Variants in LSAMP observed in about 807,000 individuals in gnomAD.
LSAMP encodes the protein limbic system associated membrane protein, also known as limbic system-associated membrane protein.
A neutral mutation model predicts 38.6 loss-of-function variants in LSAMP; 7 were observed. That is an observed-to-expected ratio of 0.18 (90% CI 0.10 to 0.34). The LOEUF is 0.34. Among genes scored for constraint, LSAMP ranks in the 10% least tolerant of loss-of-function variants. The probability of loss-of-function intolerance (pLI) is 1.00; values close to 1 mark genes in which losing one functional copy is unlikely to be tolerated. For synonymous variants in LSAMP, 154 were observed against 166.8 expected (o/e 0.92, Z 0.59); for missense variants, 313 against 420.0 (o/e 0.75, Z 2.23).
intron 1 of LSAMP, among the ~76,000 whole-genome samples, chr3:116,113,616 G>A (rs1708674786): frequency 6.6e-6 from 1 of 150,860 alleles, no homozygotes; most frequent in African/African-American, 2.4e-5. Context: ...TAGTAGAGAC[G>A]GGGTTTCACT....
chr3:115,925,140 G>A (rs1937469775), intron 3 of LSAMP, among the ~76,000 whole-genome samples: 2 of 152,122 alleles, frequency 1.3e-5, no homozygotes, highest in Non-Finnish European at 2.9e-5. Context: ...GTGTTCCTAG[G>A]CCTGGGGGGT....
chr3:115,940,158 T>C (rs1937863658), intron 3 of LSAMP, among the ~76,000 whole-genome samples: 1 of 152,196 alleles, frequency 6.6e-6, no homozygotes, highest in Non-Finnish European at 1.5e-5. Flanking sequence ...CAGTGAGTGT[T>C]ACACCTCTTA....
chr3:116,234,411 A>G (rs1176568909), intron 1 of LSAMP, among the ~76,000 whole-genome samples: 2 of 152,228 alleles, frequency 1.3e-5, no homozygotes, highest in African/African-American at 4.8e-5. Context: ...AGGACACTGT[A>G]GCCAGCTTAG....
At chr3:115,990,741 CA>C (rs1939643145) in intron 3 of LSAMP, among the ~76,000 whole-genome samples, 1 of 152,072 alleles carries the variant, frequency 6.6e-6, no homozygotes, top group Non-Finnish European at 1.5e-5. Flanking sequence ...TAATACCTGT[CA>C]CACTAACATG....
intron 3 of LSAMP, among the ~76,000 whole-genome samples, chr3:115,938,042 T>C (rs7613846): frequency 0.44 from 66,521 of 152,120 alleles, 15,802 homozygotes; most frequent in East Asian, 0.73. Context: ...GCTTAAAAAG[T>C]ACTCTTGTAT....
chr3:115,864,240 A>G (rs969370606), intron 3 of LSAMP, among the ~76,000 whole-genome samples: 2 of 148,242 alleles, frequency 1.3e-5, no homozygotes, highest in African/African-American at 5.1e-5. Context: ...TTTCCTCACT[A>G]TTCTCCACTC....
intron 3 of LSAMP, among the ~76,000 whole-genome samples, chr3:115,965,652 T>C (rs147273610): frequency 6.7e-6 from 1 of 150,322 alleles, no homozygotes; most frequent in African/African-American, 2.4e-5. Context: ...AGGGTTATTT[T>C]CTATATGAAT....
chr3:115,812,275 T>C (rs2107449302), intron 6 of LSAMP, among the ~76,000 whole-genome samples: 1 of 152,298 alleles, frequency 6.6e-6, no homozygotes, highest in Admixed American at 6.5e-5. Flanking sequence ...AATAAATTAA[T>C]TATCTGATTT....
chr3:115,992,905 G>A (rs1164855304), intron 3 of LSAMP, among the ~76,000 whole-genome samples: 1 of 151,980 alleles, frequency 6.6e-6, no homozygotes, highest in East Asian at 1.9e-4. Flanking sequence ...GGACCTTGAG[G>A]GCTTGGGAGA....
In LSAMP at chr3:116,400,434, C is replaced by T. The variant is rs181976243; in HGVS notation, c.155+44443G>A. Among the ~76,000 whole-genome samples, 175 of 142,628 alleles carry T rather than the reference C, an allele frequency of 1.2e-3. 4 individuals carry two copies. Among genetic ancestry groups the T allele is most frequent in the Admixed American group, 0.011 (156 of 14,374 alleles). The allele number at this position is 142,628 out of a possible 152,430, so 93.6% of individuals were successfully genotyped here. ...TCTTTCCCTCCTTCCCTCCCTCCCTCCCTCCTTCCTTCCTTCCTTCCTTCC... is the reference window on the plus strand; with the variant it reads ...TCTTTCCCTCCTTCCCTCCCTCCCTTCCTCCTTCCTTCCTTCCTTCCTTCC... On this transcript the variant is annotated intron_variant, in intron 1 of 6. Transcript: ENST00000490035.
chr3:116,140,448 C>A (rs1337111665), intron 1 of LSAMP, among the ~76,000 whole-genome samples: 1 of 151,772 alleles, frequency 6.6e-6, no homozygotes, highest in Non-Finnish European at 1.5e-5. Context: ...ATTATTTAAA[C>A]GCGATGAGAT....
intron 3 of LSAMP, among the ~76,000 whole-genome samples, chr3:115,969,838 G>C (rs1295176748): frequency 6.6e-6 from 1 of 152,022 alleles, no homozygotes; most frequent in East Asian, 1.9e-4. Flanking sequence ...CACCAGTTGG[G>C]GTCCAAAATG....
chr3:115,866,451 G>A (rs1228972601), intron 3 of LSAMP, among the ~76,000 whole-genome samples: 2 of 152,100 alleles, frequency 1.3e-5, no homozygotes, highest in Non-Finnish European at 2.9e-5. Context: ...AGTTGAATAA[G>A]AAAATGTACG....
At chr3:115,851,874 C>T (rs1158435759) in intron 4 of LSAMP, among the ~76,000 whole-genome samples, 2 of 152,132 alleles carry the variant, frequency 1.3e-5, no homozygotes, top group African/African-American at 4.8e-5. Flanking sequence ...AGAATCCTTT[C>T]ATCCGAGAAG....
chr3:116,101,826 C>CTTAAA (rs1708354635), intron 1 of LSAMP, among the ~76,000 whole-genome samples: 1 of 152,066 alleles, frequency 6.6e-6, no homozygotes, highest in African/African-American at 2.4e-5. Context: ...ATTTGGTAGA[C>CTTAAA]TTAAATATGA....
rs1267941158 is a variant in LSAMP, at chr3:116,365,853, G to A, written c.155+79024C>T. ...ACAGGAAGGGGAATATCACACTCTGGGGACTGTGGTGGGGTCGGGGGAGGG... is the reference window on the plus strand; with the variant it reads ...ACAGGAAGGGGAATATCACACTCTGAGGACTGTGGTGGGGTCGGGGGAGGG... On this transcript the variant is annotated intron_variant, in intron 1 of 6. Transcript: ENST00000490035. Among the ~76,000 whole-genome samples the A allele has an allele frequency of 5.2e-5, 4 of 76,340 alleles. No individual in the cohort carries two copies. In the Admixed American group the frequency reaches 5.7e-4, roughly 11 times the overall value. The allele number at this position is 76,340 out of a possible 152,430, so 50.1% of individuals were successfully genotyped here.
At chr3:116,269,066 A>G (rs1350995763) in intron 1 of LSAMP, among the ~76,000 whole-genome samples, 1 of 152,072 alleles carries the variant, frequency 6.6e-6, no homozygotes, top group African/African-American at 2.4e-5. Context: ...ATAGAATAGT[A>G]GTCCACCCAT....
At chr3:116,057,965 A>C (rs974575391) in intron 2 of LSAMP, among the ~76,000 whole-genome samples, 87 of 90,942 alleles carry the variant, frequency 9.6e-4, no homozygotes, top group African/African-American at 2.5e-3. Flanking sequence ...ACCCACACAC[A>C]CACACACACA....
At chr3:116,278,709 C>T (rs145392743) in intron 1 of LSAMP, among the ~76,000 whole-genome samples, 1,881 of 152,156 alleles carry the variant, frequency 0.012, 32 homozygotes, top group African/African-American at 0.04. Flanking sequence ...ATATTATCCA[C>T]GCTTAATGTG....
Sources: allele counts gnomAD v4.1 joint callset (sites outside exome capture counted in the v4.1 genomes callset), GRCh38; gene constraint gnomAD v4.1.1; transcripts MANE v1.5; gene names NCBI Gene and HGNC (gene_info 2026-07-23, HGNC 2026-07-21).